Variants in CLPSL1 observed in about 807,000 individuals in gnomAD.
CLPSL1 encodes colipase-like protein 1.
A neutral mutation model predicts 9.3 loss-of-function variants in CLPSL1; 13 were observed. That is an observed-to-expected ratio of 1.40 (90% confidence interval 0.91 to 2.22). The LOEUF is 2.22. CLPSL1 is among the 30% of genes most tolerant of loss of function. CLPSL1 has a pLI of 0.00. For synonymous variants in CLPSL1, 58 were observed against 56.9 expected (o/e 1.02, Z -0.08); for missense variants, 164 against 146.6 (o/e 1.12, Z -0.61).
At chr6:35,781,296 G>A in intron 1 of CLPSL1, 87 bp downstream of exon 1, 2 of 1,521,646 alleles carry the variant, frequency 1.3e-6, no homozygotes, top group Non-Finnish European at 1.8e-6. Flanking sequence ...ATGGGGGCTA[G>A]TGTGGGAGAA....
In CLPSL1 at chr6:35,786,981, C is replaced by A. The variant is rs1020469136; in HGVS notation, c.100-17C>A. On this transcript the variant is annotated splice_polypyrimidine_tract_variant and intron_variant, in intron 1 of 2. Coordinates refer to ENST00000373861, the MANE Select transcript of CLPSL1 (RefSeq NM_001010886.5). The stretch of plus-strand genomic sequence containing the variant: ...GGCGGGCGGTGGAGCCTGGCGGTGC[C>A]GTGTCCCTCCCTGCAGGAGCTCAAG... 5.7e-6 allele frequency: 9 copies of A among 1,565,244 alleles called. No individual in the cohort carries two copies. Among genetic ancestry groups the A allele is most frequent in the Admixed American group, 3.9e-5 (2 of 51,502 alleles).
downstream of CLPSL1, among the ~76,000 whole-genome samples, chr6:35,791,711 G>C (rs1164970853): frequency 3.9e-5 from 6 of 152,182 alleles, no homozygotes; most frequent in African/African-American, 1.2e-4. Flanking sequence ...TGGGCGGATT[G>C]CTTGAGCCTA....
chr6:35,788,245 C>T, downstream of CLPSL1: 3 of 516,098 alleles, frequency 5.8e-6, no homozygotes, highest in Non-Finnish European at 1.1e-5. Flanking sequence ...AGGGAGGAAG[C>T]AGGAAGGGAC....
chr6:35,789,519 T>C (rs1019636167), downstream of CLPSL1, among the ~76,000 whole-genome samples: 2 of 152,268 alleles, frequency 1.3e-5, no homozygotes, highest in Non-Finnish European at 2.9e-5. Flanking sequence ...TTACACGACA[T>C]TGGTCTTGAC....
At chr6:35,787,329 G>C (rs370948489) in intron 2 of CLPSL1, among the ~76,000 whole-genome samples, 166 of 152,306 alleles carry the variant, frequency 1.1e-3, no homozygotes, top group African/African-American at 3.5e-3. Context: ...TGGAATCCTG[G>C]ATTGGGGCGG....
At chr6:35,787,160 G>A in intron 2 of CLPSL1, 40 bp downstream of exon 2, 1 of 1,604,480 alleles carries the variant, frequency 6.2e-7, no homozygotes, top group Non-Finnish European at 8.5e-7. Flanking sequence ...GGGGATCCAG[G>A]GGAAGTGGGA....
intron 1 of CLPSL1, among the ~76,000 whole-genome samples, chr6:35,785,637 C>G (rs1768053654): frequency 6.6e-6 from 1 of 152,136 alleles, no homozygotes; most frequent in Non-Finnish European, 1.5e-5. Flanking sequence ...CCATTAGAAG[C>G]CTGTCTCTCC....
chr6:35,781,281 C>G, intron 1 of CLPSL1, 72 bp downstream of exon 1: 1 of 1,558,316 alleles, frequency 6.4e-7, no homozygotes, highest in South Asian at 1.2e-5. Context: ...GGGAGGTGAG[C>G]GGGCATGGGG....
At chr6:35,790,212 CATGAGCCACTGTGCCCGGCTGAA>C (rs1295338709), downstream of CLPSL1, among the ~76,000 whole-genome samples, 1 of 152,260 alleles carries the variant, frequency 6.6e-6, no homozygotes, top group African/African-American at 2.4e-5. Flanking sequence ...GGATTACAGG[CATGAGCCACTGTGCCCGGCTGAA>C]ATTTCACTTT....
downstream of CLPSL1, among the ~76,000 whole-genome samples, chr6:35,790,676 G>A (rs1017511637): frequency 6.6e-6 from 1 of 152,242 alleles, no homozygotes; most frequent in Non-Finnish European, 1.5e-5. Context: ...TTATAGTTTC[G>A]TGACCTGACT....
At chr6:35,791,146 A>G (rs1768199451), downstream of CLPSL1, among the ~76,000 whole-genome samples, 1 of 152,228 alleles carries the variant, frequency 6.6e-6, no homozygotes. Flanking sequence ...AGACCCCTTC[A>G]CAAGCCATGG....
At chr6:35,783,900 C>T (rs1319418092) in intron 1 of CLPSL1, among the ~76,000 whole-genome samples, 3 of 151,748 alleles carry the variant, frequency 2.0e-5, no homozygotes, top group Non-Finnish European at 4.4e-5. Context: ...CCCTGTCTTC[C>T]CTCTCTAGAG....
chr6:35,784,436 C>A (rs574365161), intron 1 of CLPSL1, among the ~76,000 whole-genome samples: 9 of 152,136 alleles, frequency 5.9e-5, no homozygotes, highest in South Asian at 2.1e-4. Flanking sequence ...CCCCACTTCC[C>A]GTCATGGCCT....
intron 1 of CLPSL1, among the ~76,000 whole-genome samples, chr6:35,784,577 TA>T (rs1192835519): frequency 2.0e-5 from 3 of 152,200 alleles, no homozygotes; most frequent in Non-Finnish European, 2.9e-5. Context: ...TATAGTTACT[TA>T]GATTTACATT....
downstream of CLPSL1, among the ~76,000 whole-genome samples, chr6:35,788,333 C>T (rs1461957484): frequency 1.3e-5 from 2 of 152,248 alleles, no homozygotes; most frequent in Admixed American, 1.3e-4. Context: ...CCCTTCCCAC[C>T]CCAACCCCTT....
intron 1 of CLPSL1, 120 bp from the exon 2 acceptor site, chr6:35,786,878 C>A: frequency 7.7e-7 from 1 of 1,296,106 alleles, no homozygotes; most frequent in Non-Finnish European, 1.1e-6. Context: ...CTGGCAGGAG[C>A]CAGAGGTGAT....
At chr6:35,791,620 A>G (rs1337251037), downstream of CLPSL1, among the ~76,000 whole-genome samples, 1 of 150,430 alleles carries the variant, frequency 6.6e-6, no homozygotes, top group Non-Finnish European at 1.5e-5. Context: ...AAAAAAAAAA[A>G]AGAAAAAGAA....
downstream of CLPSL1, among the ~76,000 whole-genome samples, chr6:35,792,614 G>C (rs1768243014): frequency 6.6e-6 from 1 of 152,388 alleles, no homozygotes. Context: ...ACTGGCCGTT[G>C]GAAATAAAAT....
chr6:35,787,090 G>T lies in CLPSL1; in HGVS notation c.192G>T (p.Lys64Asn). 1 of 1,611,050 alleles carries T rather than the reference G, an allele frequency of 6.2e-7. No individual in the cohort carries two copies. The highest frequency in any genetic ancestry group is 8.5e-7 in the Non-Finnish European group (1 of 1,179,362). The part of the protein sequence containing the change: ...PDNCESHCAE[K>N]GSEGSLCQTQ... ...ATTGCGAGTCGCACTGCGCGGAGAAGGGGTCCGAGGGCAGTCTGTGTCAAA... is the reference window on the plus strand; with the variant it reads ...ATTGCGAGTCGCACTGCGCGGAGAATGGGTCCGAGGGCAGTCTGTGTCAAA... Residue 64 changes from lysine (K) to asparagine (N), a missense_variant, in exon 2 of 3, where the codon AAG becomes AAT. Transcript: ENST00000373861.
Sources: gnomAD v4.1 joint callset for allele counts (sites outside exome capture counted in the v4.1 genomes callset) on GRCh38, gnomAD v4.1.1 for gene constraint, MANE v1.5 for transcripts, NCBI Gene and HGNC (gene_info 2026-07-23, HGNC 2026-07-21) for gene names.